Variants in TBXAS1 observed in about 807,000 individuals in gnomAD.
The protein encoded by TBXAS1 is thromboxane-A synthase.
TBXAS1 carries 48 observed loss-of-function variants against 60.7 expected under a neutral mutation model. The observed-to-expected ratio is 0.79, with a 90% CI of 0.63 to 1.01. The LOEUF (loss-of-function observed/expected upper bound fraction) is 1.01, where lower values mean the gene tolerates loss of function less well. Ranked by LOEUF, TBXAS1 falls within the 50% of genes least tolerant of loss-of-function variation. The probability of loss-of-function intolerance (pLI) is 0.00; values close to 1 mark genes in which losing one functional copy is unlikely to be tolerated. For synonymous variants in TBXAS1, 287 were observed against 269.7 expected, an observed-to-expected ratio of 1.06 and a Z score of -0.63; for missense variants, 685 against 686.3, an observed-to-expected ratio of 1.00 and a Z score of 0.02.
At chr7:139,825,136 ATT>A (rs10712688), upstream of TBXAS1, among the ~76,000 whole-genome samples, 15 of 151,224 alleles carry the variant, frequency 9.9e-5, no homozygotes, top group African/African-American at 3.4e-4. Context: ...GCCTGAGTTG[ATT>A]TTTTTTTAAT....
intron 1 of TBXAS1, among the ~76,000 whole-genome samples, chr7:139,856,534 G>C (rs1800595280): frequency 6.6e-6 from 1 of 152,206 alleles, no homozygotes; most frequent in African/African-American, 2.4e-5. Flanking sequence ...TATTTTGATG[G>C]AGGGGAAAAG....
Position 139,869,283 on chromosome 7 carries a change from A to AT in TBXAS1, c.90-2951dup, listed in dbSNP as rs1449604526. ...TGGCCTGACACCAATCTCTGCTTTCATAGTCACTCGGCACTTTCCTGTGAA... is the reference window on the plus strand; with the variant it reads ...TGGCCTGACACCAATCTCTGCTTTCATTAGTCACTCGGCACTTTCCTGTGAA... On this transcript the variant is annotated intron_variant, in intron 1 of 12. Transcript: ENST00000448866. Among the ~76,000 whole-genome samples the AT allele has an allele frequency of 5.9e-5, 9 of 152,292 alleles. No individual in the cohort carries two copies. The East Asian group carries it at 1.2e-3, about 20-fold the overall frequency.
chr7:139,954,681 C>T (rs1041213929), intron 6 of TBXAS1, among the ~76,000 whole-genome samples: 1 of 152,162 alleles, frequency 6.6e-6, no homozygotes, highest in African/African-American at 2.4e-5. Flanking sequence ...TCTGACTACT[C>T]CTATAAGATA....
intron 4 of TBXAS1, among the ~76,000 whole-genome samples, chr7:139,918,562 CA>C (rs1378706241): frequency 6.6e-6 from 1 of 152,206 alleles, no homozygotes; most frequent in Non-Finnish European, 1.5e-5. Flanking sequence ...AACAAGCCCC[CA>C]GATTCCCTTC....
In TBXAS1 at chr7:139,872,290, CCTT is replaced by C. The variant is rs1801878069; in HGVS notation, c.148_150del (p.Ser50del). ...GAAGTTAGGCCTCAGACATCCCAAG[CCTT>C]CTCCTTTCATTGGAAACTTGACATT... On this transcript the variant is annotated inframe_deletion, in exon 2 of 13. Transcript: ENST00000448866. The C allele has an allele frequency of 6.2e-7, 1 of 1,614,084 alleles. No individual in the cohort carries two copies. Among genetic ancestry groups the C allele is most frequent in the South Asian group, 1.1e-5 (1 of 91,088 alleles).
intron 4 of TBXAS1, chr7:139,914,137 C>G (rs1304980159): frequency 6.6e-6 from 1 of 151,516 alleles, no homozygotes; most frequent in Admixed American, 6.6e-5. Flanking sequence ...CCAAGTGATC[C>G]TCCCACCTCA....
At chr7:139,979,930 CT>C (rs8192844) in intron 9 of TBXAS1, among the ~76,000 whole-genome samples, 141 of 147,350 alleles carry the variant, frequency 9.6e-4, no homozygotes, top group Admixed American at 1.5e-3. Flanking sequence ...TTGGGTTTTG[CT>C]TTTTTTTTTC....
intron 3 of TBXAS1, among the ~76,000 whole-genome samples, chr7:139,879,343 C>T (rs1004803393): frequency 2.0e-5 from 3 of 152,080 alleles, no homozygotes; most frequent in Non-Finnish European, 4.4e-5. Context: ...GGAGGACTGG[C>T]GTGGATACCT....
At chr7:139,993,892 CTTTTT>C (rs71170931) in intron 9 of TBXAS1, among the ~76,000 whole-genome samples, 6 of 111,708 alleles carry the variant, frequency 5.4e-5, no homozygotes, top group African/African-American at 7.5e-5. Flanking sequence ...TTCTTTCTTT[CTTTTT>C]TTTTTTTTTT....
chr7:139,853,435 T>A (rs1800366023), intron 1 of TBXAS1, among the ~76,000 whole-genome samples: 2 of 152,220 alleles, frequency 1.3e-5, no homozygotes, highest in Non-Finnish European at 2.9e-5. Flanking sequence ...ACTAGCAGTG[T>A]GACCTTGGGC....
chr7:139,966,821 A>C (rs922377917), intron 9 of TBXAS1, among the ~76,000 whole-genome samples: 30 of 152,170 alleles, frequency 2.0e-4, no homozygotes, highest in African/African-American at 6.8e-4. Context: ...CTGTGGCCTG[A>C]GGATGCCGCC....
chr7:139,959,893 G>T lies in TBXAS1; in HGVS notation c.820-2026G>T, dbSNP rs573959880. Among the ~76,000 whole-genome samples, 5 of 152,238 alleles carry T rather than the reference G, an allele frequency of 3.3e-5. No homozygotes were observed. In the South Asian group the frequency reaches 1.0e-3, roughly 32 times the overall value. On this transcript the variant is annotated intron_variant, in intron 8 of 12. Coordinates refer to ENST00000448866, the MANE Select transcript of TBXAS1 (RefSeq NM_001061.7). ...AGCAAGGGATGCTCACTTCCCCTGC[G>T]TGCCATCTTGCCTGACCCTGCCCCA...
At chr7:139,909,737 C>A (rs1805373003) in intron 3 of TBXAS1, among the ~76,000 whole-genome samples, 1 of 152,224 alleles carries the variant, frequency 6.6e-6, no homozygotes, top group Admixed American at 6.5e-5. Flanking sequence ...GTAAAATTGG[C>A]TGCTTTTCAG....
At position 140,017,662 on chromosome 7, in the gene TBXAS1, G is replaced by C; in HGVS notation, c.1365-9G>C. The C allele has an allele frequency of 6.2e-7, 1 of 1,612,542 alleles. No homozygotes were observed. The highest frequency in any genetic ancestry group is 8.5e-7 in the Non-Finnish European group (1 of 1,179,668). ...GTTCTGGGCCAGCCCTGACCACACGGACCTGCAGGTTCACGGCTGAGGCCC... is the reference window on the plus strand; with the variant it reads ...GTTCTGGGCCAGCCCTGACCACACGCACCTGCAGGTTCACGGCTGAGGCCC... On this transcript the variant is annotated splice_polypyrimidine_tract_variant and intron_variant, in intron 11 of 12. Transcript: ENST00000448866.
chr7:139,973,718 T>C (rs1811375035), intron 9 of TBXAS1, among the ~76,000 whole-genome samples: 1 of 152,208 alleles, frequency 6.6e-6, no homozygotes. Flanking sequence ...GTTAATCATT[T>C]AGAAATCTGT....
chr7:139,820,006 GA>G (rs1798253860), intron 4 of TBXAS1, among the ~76,000 whole-genome samples: 1 of 151,906 alleles, frequency 6.6e-6, no homozygotes, highest in South Asian at 2.1e-4. Context: ...CAACTTGCCT[GA>G]AATGCCATTT....
chr7:139,805,694 CTT>C (rs1398617662), intron 4 of TBXAS1, among the ~76,000 whole-genome samples: 26 of 30,804 alleles, frequency 8.4e-4, no homozygotes, highest in African/African-American at 2.0e-3. Context: ...TTCTTTCTTT[CTT>C]TCTTTCTTTC....
At position 139,952,816 on chromosome 7, in the gene TBXAS1, T is replaced by C. The variant is rs1809521383; in HGVS notation, c.451-552T>C. 4 of 976,486 alleles carry C rather than the reference T, an allele frequency of 4.1e-6. No homozygotes were observed. The South Asian group carries it at 8.6e-5, about 21-fold the overall frequency. 60.5% of individuals were successfully genotyped at this position (976,486 alleles called of 1,614,324 possible). ...TCCCAGTATTCGAAAGCTTAGCGGC[T>C]TAAGCACAAAAGAATAACCATCCAT... On this transcript the variant is annotated intron_variant, in intron 5 of 12. Transcript: ENST00000448866.
intron 9 of TBXAS1, among the ~76,000 whole-genome samples, chr7:139,970,789 G>A (rs1315153866): frequency 6.6e-6 from 1 of 152,132 alleles, no homozygotes; most frequent in East Asian, 1.9e-4. Context: ...CTTTTGAGGT[G>A]ATTTAAAGTC....
Sources: gnomAD v4.1 joint callset for allele counts (sites outside exome capture counted in the v4.1 genomes callset) on GRCh38, gnomAD v4.1.1 for gene constraint, MANE v1.5 for transcripts, NCBI Gene and HGNC (gene_info 2026-07-23, HGNC 2026-07-21) for gene names.